The following NDUFS3 variants were observed in gnomAD, a reference collection of about 807,000 sequenced individuals.
NDUFS3 encodes NADH:ubiquinone oxidoreductase core subunit S3.
Under a neutral mutation model 30.8 loss-of-function variants are expected in NDUFS3, and 19 were observed. That is an observed-to-expected ratio of 0.62 (90% CI 0.43 to 0.91). The LOEUF (loss-of-function observed/expected upper bound fraction) is 0.91. Among genes scored for constraint, NDUFS3 ranks in the 40% least tolerant of loss-of-function variants. NDUFS3 has a pLI of 0.00. For synonymous variants in NDUFS3, 153 were observed against 135.8 expected (o/e 1.13, Z -0.88); for missense variants, 331 against 342.0 (o/e 0.97, Z 0.25).
Position 47,584,470 on chromosome 11 carries a change from G to T in NDUFS3, c.784G>T (p.Asp262Tyr), listed in dbSNP as rs888658650. Reference sequence around the variant, plus strand: ...GCTTGAAGCCGGAGACAAGAAGCCTGATGCCAAGTAGCTCCAGGGAACGCA... The same window carrying T: ...GCTTGAAGCCGGAGACAAGAAGCCTTATGCCAAGTAGCTCCAGGGAACGCA... ...LKLEAGDKKPDAK is the reference protein window; with the variant it reads ...LKLEAGDKKPYAK The change falls in exon 7 of 7, where the codon GAT (aspartate) becomes TAT (tyrosine). Residue 262 changes from aspartate to tyrosine, a missense_variant. Coordinates refer to ENST00000263774, the MANE Select transcript of NDUFS3 (RefSeq NM_004551.3). 1 of 1,614,122 alleles carries T rather than the reference G, an allele frequency of 6.2e-7. No individual in the cohort carries two copies. The highest frequency in any genetic ancestry group is 8.5e-7 in the Non-Finnish European group (1 of 1,180,022).
At chr11:47,581,807 GA>G (rs1305828108) in intron 4 of NDUFS3, 25 of 444,906 alleles carry the variant, frequency 5.6e-5, no homozygotes, top group South Asian at 3.1e-4. Context: ...AGGCTTCTTT[GA>G]AAAGAGAGAA....
At chr11:47,581,647 GAAAT>G (rs2097268847) in intron 4 of NDUFS3, 1 of 270,006 alleles carries the variant, frequency 3.7e-6, no homozygotes, top group Non-Finnish European at 7.2e-6. Flanking sequence ...GATGGAGAGA[GAAAT>G]AACATGAAGT....
intron 2 of NDUFS3, among the ~76,000 whole-genome samples, chr11:47,579,907 CATATTATGTTACAGTCAAG>C (rs2097267225): frequency 6.6e-6 from 1 of 151,672 alleles, no homozygotes. Flanking sequence ...TGAGTATGTA[CATATTATGTTACAGTCAAG>C]ATACACGGAC....
intron 4 of NDUFS3, 58 bp from the exon 5 acceptor site, chr11:47,582,030 G>C: frequency 6.2e-7 from 1 of 1,604,330 alleles, no homozygotes; most frequent in Non-Finnish European, 8.5e-7. Context: ...TCACAGGGCA[G>C]AACTCTCCCA....
chr11:47,584,320 TATG>T lies in NDUFS3; in HGVS notation c.642_644del (p.Asp214del), dbSNP rs1168228127. The T allele has an allele frequency of 2.5e-6, 4 of 1,614,002 alleles. No homozygotes were observed. The highest frequency in any genetic ancestry group is 1.3e-5 in the African/African-American group (1 of 74,892). ...CTGCCTTTTGCTCCTGCAGTTACGT[TATG>T]ATGATGAAGTGAAGCGGGTGGTGGC... is the stretch of plus-strand genomic sequence containing the variant. On this transcript the variant is annotated inframe_deletion, in exon 7 of 7. Coordinates refer to ENST00000263774, the MANE Select transcript of NDUFS3 (RefSeq NM_004551.3).
chr11:47,583,297 C>T (rs938567675), intron 6 of NDUFS3, among the ~76,000 whole-genome samples: 26 of 152,176 alleles, frequency 1.7e-4, no homozygotes, highest in African/African-American at 5.8e-4. Context: ...GTCATCTGCC[C>T]GCCTCAGCTT....
At chr11:47,583,581 G>C (rs1229269620) in intron 6 of NDUFS3, among the ~76,000 whole-genome samples, 1 of 152,204 alleles carries the variant, frequency 6.6e-6, no homozygotes, top group African/African-American at 2.4e-5. Context: ...CAGGAAGATA[G>C]TGTGTAATAT....
At chr11:47,579,466 C>A in intron 2 of NDUFS3, 132 bp downstream of exon 2, 1 of 1,136,330 alleles carries the variant, frequency 8.8e-7, no homozygotes, top group Non-Finnish European at 1.3e-6. Flanking sequence ...TGGTCTTCAC[C>A]CTGCATGCAG....
rs1186955971 is a variant in NDUFS3 at position 47,582,409 on chromosome 11, G to C, written c.568G>C (p.Asp190His). 1 of 1,614,228 alleles carries C rather than the reference G, an allele frequency of 6.2e-7. No individual in the cohort carries two copies. Among genetic ancestry groups the C allele is most frequent in the Non-Finnish European group, 8.5e-7 (1 of 1,180,046 alleles). Reference protein sequence around the residue: ...NHPDLRRILTDYGFEGHPFRK... With the variant: ...NHPDLRRILTHYGFEGHPFRK... ...CCCTGATCTAAGAAGGATCCTGACA[G>C]ATTATGGCTTCGAGGGACATCCTTT... Residue 190 changes from aspartate to histidine, a missense_variant, in exon 6 of 7, where the codon GAT becomes CAT. Transcript: ENST00000263774.
At position 47,579,132 on chromosome 11, in the gene NDUFS3, T is replaced by C; in HGVS notation, c.41T>C (p.Ile14Thr). 1.3e-6 allele frequency: 2 copies of C among 1,598,090 alleles called. No individual in the cohort carries two copies. The highest frequency in any genetic ancestry group is 1.7e-6 in the Non-Finnish European group (2 of 1,173,804). Residue 14 changes from isoleucine to threonine, a missense_variant, in exon 1 of 7, where the codon ATC becomes ACC. Physicochemically the swap from Ile to Thr is moderately conservative, Grantham distance 89. Transcript: ENST00000263774. ...AAVARLWWRG[I>T]LGASALTRGT... ...GTAGCCAGGCTGTGGTGGCGCGGGATCTTGGGGGCCTCGGCGCTGACCAGG... is the reference window on the plus strand; with the variant it reads ...GTAGCCAGGCTGTGGTGGCGCGGGACCTTGGGGGCCTCGGCGCTGACCAGG...
In NDUFS3 at chr11:47,580,928, A is replaced by G. The variant is rs753558486; in HGVS notation, c.325A>G (p.Lys109Glu). The change falls in exon 4 of 7, where the codon AAA becomes GAA. Residue 109 changes from lysine to glutamate, a missense_variant. Lys to Glu is a moderately conservative substitution (Grantham distance 56). Transcript: ENST00000263774. Reference protein sequence around the residue: ...FLRDHTNAQFKSLVDLTAVDV... With the variant: ...FLRDHTNAQFESLVDLTAVDV... Reference sequence around the variant, plus strand: ...CAGGGATCACACCAATGCACAGTTCAAATCTCTGGTTGACTTGACAGCAGT... The same window carrying G: ...CAGGGATCACACCAATGCACAGTTCGAATCTCTGGTTGACTTGACAGCAGT... 10 of 1,614,192 alleles carry G rather than the reference A, an allele frequency of 6.2e-6. No homozygotes were observed. In the South Asian group the frequency reaches 1.1e-4, roughly 18 times the overall value.
intron 6 of NDUFS3, among the ~76,000 whole-genome samples, chr11:47,583,779 T>C (rs2097269841): frequency 1.3e-5 from 2 of 152,202 alleles, no homozygotes; most frequent in South Asian, 4.1e-4. Flanking sequence ...TCCTGCTATC[T>C]GCCTCACCTG....
chr11:47,580,576 G>C lies in NDUFS3; in HGVS notation c.185G>C (p.Gly62Ala). ...DVAHKQLSAF[G>A]EYVAEILPKY... The stretch of plus-strand genomic sequence containing the variant: ...GCCCACAAGCAGCTCTCAGCTTTTG[G>C]AGAGTATGTGGCTGAAATCTTGCCC... The change falls in exon 3 of 7, where the codon GGA becomes GCA. Residue 62 changes from glycine to alanine, a missense_variant. Transcript: ENST00000263774. 1 of 1,614,184 alleles carries C rather than the reference G, an allele frequency of 6.2e-7. No homozygotes were observed. The highest frequency in any genetic ancestry group is 1.6e-4 in the Middle Eastern group (1 of 6,062).
chr11:47,582,514 A>G (rs1421725943), intron 6 of NDUFS3, 46 bp downstream of exon 6: 4 of 1,613,506 alleles, frequency 2.5e-6, no homozygotes, highest in Admixed American at 1.7e-5. Context: ...AGGGACTTGC[A>G]GAGAACCCAG....
At position 47,584,444 on chromosome 11, in the gene NDUFS3, A is replaced by T; in HGVS notation, c.758A>T (p.Lys253Met). Residue 253 changes from lysine to methionine, a missense_variant, in exon 7 of 7, where the codon AAG (lysine) becomes ATG (methionine). Physicochemically the swap from Lys to Met is moderately conservative, Grantham distance 95. Coordinates refer to ENST00000263774, the MANE Select transcript of NDUFS3 (RefSeq NM_004551.3). ...PVYRQPPESL[K>M]LEAGDKKPDA... ...TATCGCCAACCCCCGGAGAGTCTCA[A>T]GCTTGAAGCCGGAGACAAGAAGCCT... is the stretch of plus-strand genomic sequence containing the variant. The T allele has an allele frequency of 1.2e-6, 2 of 1,614,118 alleles. No homozygotes were observed. The highest frequency in any genetic ancestry group is 1.3e-5 in the African/African-American group (1 of 75,032).
chr11:47,584,434 G>C lies in NDUFS3; in HGVS notation c.748G>C (p.Glu250Gln). Residue 250 changes from glutamate to glutamine, a missense_variant, in exon 7 of 7, where the codon GAG becomes CAG. Physicochemically the swap from Glu to Gln is conservative, Grantham distance 29 (BLOSUM62 2). Transcript: ENST00000263774. ...TTTCCCAGTCTATCGCCAACCCCCG[G>C]AGAGTCTCAAGCTTGAAGCCGGAGA... The part of the protein sequence containing the change: ...EAFPVYRQPP[E>Q]SLKLEAGDKK... 6.2e-7 allele frequency: 1 copy of C among 1,614,120 alleles called. No homozygotes were observed. Among genetic ancestry groups the C allele is most frequent in the Non-Finnish European group, 8.5e-7 (1 of 1,180,022 alleles).
In NDUFS3 at chr11:47,582,957, A is replaced by G. The variant is rs1230025383; in HGVS notation, c.627+489A>G. Among the ~76,000 whole-genome samples the G allele has an allele frequency of 3.3e-5, 5 of 152,080 alleles. No homozygotes were observed. The South Asian group carries it at 1.0e-3, about 31-fold the overall frequency. Reference sequence around the variant, plus strand: ...GGTTGCAGTGAGCCGAGATCACGCCACTGCTCTCCAGCCTGGGCAACAGAG... The same window carrying G: ...GGTTGCAGTGAGCCGAGATCACGCCGCTGCTCTCCAGCCTGGGCAACAGAG... On this transcript the variant is annotated intron_variant, in intron 6 of 6. Coordinates refer to ENST00000263774, the MANE Select transcript of NDUFS3 (RefSeq NM_004551.3).
In NDUFS3 at chr11:47,584,454, C is replaced by CTCAA; in HGVS notation, c.768_769insTCAA (p.Gly257SerfsTer7). 1 of 1,614,056 alleles carries CTCAA rather than the reference C, an allele frequency of 6.2e-7. No individual in the cohort carries two copies. The highest frequency in any genetic ancestry group is 1.1e-5 in the South Asian group (1 of 91,078). On this transcript the variant is annotated frameshift_variant, in exon 7 of 7. Transcript: ENST00000263774. LOFTEE classifies it high-confidence loss of function. ...CCCCGGAGAGTCTCAAGCTTGAAGC[C>CTCAA]GGAGACAAGAAGCCTGATGCCAAGT...
intron 4 of NDUFS3, chr11:47,581,476 T>C (rs2153795356): frequency 4.5e-6 from 1 of 220,834 alleles, no homozygotes; most frequent in African/African-American, 2.3e-5. Context: ...TTTCTGAGCT[T>C]TCATTTTCTT....
Sources: gnomAD v4.1 joint callset for allele counts (sites outside exome capture counted in the v4.1 genomes callset) on GRCh38, gnomAD v4.1.1 for gene constraint, MANE v1.5 for transcripts, NCBI Gene and HGNC (gene_info 2026-07-23, HGNC 2026-07-21) for gene names.